MTOR: variants seen among roughly 807,000 people sequenced by gnomAD.
MTOR encodes mechanistic target of rapamycin kinase, also known as serine/threonine-protein kinase mTOR.
Under a neutral mutation model 319.8 loss-of-function variants are expected in MTOR, and 70 were observed. That is an observed-to-expected ratio of 0.22 (90% CI 0.18 to 0.27). The LOEUF is 0.27. MTOR is among the 10% of genes least tolerant of loss of function. MTOR has a pLI of 1.00. For missense variants in MTOR, 1,890 were observed against 3,274.4 expected, an observed-to-expected ratio of 0.58 and a Z score of 10.32; for synonymous variants, 1,183 against 1,211.4, an observed-to-expected ratio of 0.98 and a Z score of 0.49.
At chr1:11,235,550 T>G (rs1395951219) in intron 13 of MTOR, among the ~76,000 whole-genome samples, 3 of 152,300 alleles carry the variant, frequency 2.0e-5, no homozygotes, top group African/African-American at 4.8e-5. Flanking sequence ...TGGAAAAATC[T>G]ATATCAAAGT....
rs2100507148 is a variant in MTOR, at chr1:11,144,770, T to A, written c.4765-15A>T. 6.2e-7 allele frequency: 1 copy of A among 1,609,418 alleles called. No individual in the cohort carries two copies. Among genetic ancestry groups the A allele is most frequent in the African/African-American group, 1.3e-5 (1 of 74,970 alleles). ...GAAACCATGGCCTGATGGAAGCAAA[T>A]CGCATTCCAAACTAATTACTGCACG... On this transcript the variant is annotated splice_polypyrimidine_tract_variant and intron_variant, in intron 33 of 57. Transcript: ENST00000361445.
chr1:11,111,559 TCTCTTC>T, intron 54 of MTOR: 1 of 189,076 alleles, frequency 5.3e-6, no homozygotes, highest in Non-Finnish European at 1.1e-5. Flanking sequence ...ACCCAAGTGC[TCTCTTC>T]GCAGCTACGG....
In MTOR at chr1:11,127,977, T is replaced by G. The variant is rs766090148; in HGVS notation, c.6033+27A>C. The G allele has an allele frequency of 6.2e-7, 1 of 1,612,640 alleles. No homozygotes were observed. The highest frequency in any genetic ancestry group is 8.5e-7 in the Non-Finnish European group (1 of 1,179,818). ...CCACCAGCTAAGGGACCAGGGTCTA[T>G]GAAGCCCCACAGTGGCTCCGACCCA... On this transcript the variant is annotated intron_variant, in intron 43 of 57. Coordinates refer to ENST00000361445, the MANE Select transcript of MTOR (RefSeq NM_004958.4). The surrounding 1 kb of genome is among the most constrained non-coding windows in gnomAD (Gnocchi z 5.5).
rs1237874404 is a variant in MTOR at position 11,225,214 on chromosome 1, T to A, written c.3030+3454A>T. Among the ~76,000 whole-genome samples the A allele has an allele frequency of 2.6e-5, 4 of 152,228 alleles. No individual in the cohort carries two copies. The East Asian group carries it at 7.7e-4, about 29-fold the overall frequency. On this transcript the variant is annotated intron_variant, in intron 19 of 57. Transcript: ENST00000361445. ...TCTGACTTGTAAATAAATAAATAAA[T>A]TTTTTATTTTAAATTTTCCCCCCAC...
At chr1:11,228,549 G>T in intron 19 of MTOR, 119 bp downstream of exon 19, 1 of 1,345,496 alleles carries the variant, frequency 7.4e-7, no homozygotes, top group Non-Finnish European at 1.0e-6. Flanking sequence ...AGTTAAGGGG[G>T]AGGAAGGCAT....
chr1:11,175,824 A>C (rs959284967), intron 28 of MTOR, among the ~76,000 whole-genome samples: 1 of 150,006 alleles, frequency 6.7e-6, no homozygotes, highest in African/African-American at 2.5e-5. Context: ...GGCTCACCGC[A>C]ACCTCTGCCT....
chr1:11,133,017 G>T lies in MTOR; in HGVS notation c.5364+63C>A. ...CGCAGAAGCTCAGCTGTAACCACGA[G>T]CACACAGGAGGACACGAGCCAGCCA... is the stretch of plus-strand genomic sequence containing the variant. On this transcript the variant is annotated intron_variant, in intron 38 of 57. Coordinates refer to ENST00000361445, the MANE Select transcript of MTOR (RefSeq NM_004958.4). The surrounding 1 kb of genome is among the most constrained non-coding windows in gnomAD (Gnocchi z 4.0). The T allele has an allele frequency of 7.2e-7, 1 of 1,384,794 alleles. No individual in the cohort carries two copies. The highest frequency in any genetic ancestry group is 1.0e-6 in the Non-Finnish European group (1 of 974,794). 85.8% of individuals were successfully genotyped at this position (1,384,794 alleles called of 1,614,324 possible).
intron 20 of MTOR, among the ~76,000 whole-genome samples, chr1:11,215,490 T>G (rs1233965617): frequency 6.6e-6 from 1 of 152,182 alleles, no homozygotes; most frequent in African/African-American, 2.4e-5. Context: ...AAAGGTCTGG[T>G]GTGAAAGAAC....
chr1:11,137,813 G>A (rs1303120587), intron 36 of MTOR, among the ~76,000 whole-genome samples: 2 of 152,140 alleles, frequency 1.3e-5, no homozygotes, highest in African/African-American at 4.8e-5. Flanking sequence ...AGGATAACAG[G>A]GTCTGCTTTT....
intron 19 of MTOR, among the ~76,000 whole-genome samples, chr1:11,221,366 G>C (rs892254889): frequency 4.6e-5 from 7 of 152,036 alleles, no homozygotes; most frequent in Non-Finnish European, 8.8e-5. Flanking sequence ...ATAACTATAA[G>C]CCAAGTTGGC....
At chr1:11,207,624 G>C (rs767019634) in intron 25 of MTOR, among the ~76,000 whole-genome samples, 39 of 144,306 alleles carry the variant, frequency 2.7e-4, no homozygotes, top group Non-Finnish European at 5.6e-4. Flanking sequence ...TTGAGACAGG[G>C]TCTTACTCTG....
intron 20 of MTOR, among the ~76,000 whole-genome samples, chr1:11,215,039 G>A (rs79239594): frequency 0.059 from 8,949 of 152,230 alleles, 370 homozygotes; most frequent in South Asian, 0.12. Context: ...AAGAGCCCCC[G>A]TTGCACCTTC....
chr1:11,202,625 T>C (rs1047942560), intron 26 of MTOR, among the ~76,000 whole-genome samples: 3 of 150,734 alleles, frequency 2.0e-5, no homozygotes, highest in African/African-American at 7.3e-5. Context: ...TTTTTAAAAA[T>C]TAAAAAAAAA....
intron 6 of MTOR, among the ~76,000 whole-genome samples, chr1:11,249,833 C>T (rs200664929): frequency 0.025 from 3,798 of 149,884 alleles, 93 homozygotes; most frequent in African/African-American, 0.061. Context: ...TACACAGACA[C>T]GGCAACCATC....
At chr1:11,132,640 C>G (rs1643217900) in intron 38 of MTOR, 1 of 154,872 alleles carries the variant, frequency 6.5e-6, no homozygotes, top group African/African-American at 2.4e-5. Flanking sequence ...TGTAACATAA[C>G]AGGATGTTAC....
At position 11,127,157 on chromosome 1, in the gene MTOR, G is replaced by A. The variant is rs765252015; in HGVS notation, c.6217-13C>T. The stretch of plus-strand genomic sequence containing the variant: ...CTCGACCATAGGCCTGAGAGAGAAA[G>A]CAGGCACGTTTTCAAGTTATCAAAG... On this transcript the variant is annotated splice_polypyrimidine_tract_variant and intron_variant, in intron 44 of 57. Transcript: ENST00000361445. This position sits in a 1 kb window ranked among gnomAD's most constrained non-coding sequence, Gnocchi z 5.5. The A allele has an allele frequency of 5.6e-6, 9 of 1,613,368 alleles. No individual in the cohort carries two copies. The highest frequency in any genetic ancestry group is 7.6e-6 in the Non-Finnish European group (9 of 1,179,884).
At chr1:11,114,200 G>T (rs1642043344) in intron 53 of MTOR, 118 bp downstream of exon 53, 2 of 1,260,768 alleles carry the variant, frequency 1.6e-6, no homozygotes, top group South Asian at 1.4e-5. Flanking sequence ...TTACTATGTT[G>T]CCCAGGCTGG....
intron 28 of MTOR, among the ~76,000 whole-genome samples, chr1:11,170,743 G>A (rs1644787887): frequency 6.7e-6 from 1 of 149,782 alleles, no homozygotes; most frequent in South Asian, 2.1e-4. Flanking sequence ...CTGGAGTGCA[G>A]TGGTGTGATC....
chr1:11,175,564 C>T (rs1644956764), intron 28 of MTOR, among the ~76,000 whole-genome samples: 1 of 152,218 alleles, frequency 6.6e-6, no homozygotes, highest in South Asian at 2.1e-4. Context: ...CATCTTATCC[C>T]CACTATCCAG....
Sources: gnomAD v4.1 joint callset for allele counts (sites outside exome capture counted in the v4.1 genomes callset) on GRCh38, gnomAD v4.1.1 for gene constraint, Gnocchi (gnomAD v3.1) non-coding constraint, MANE v1.5 for transcripts, NCBI Gene and HGNC (gene_info 2026-07-23, HGNC 2026-07-21) for gene names.